The following IL31RA variants were observed in gnomAD, a reference collection of about 807,000 sequenced individuals.
IL31RA encodes the protein interleukin-31 receptor subunit alpha.
IL31RA carries 66 observed loss-of-function variants against 83.7 expected under a neutral mutation model. The observed-to-expected ratio is 0.79, with a 90% CI of 0.65 to 0.97. The LOEUF (loss-of-function observed/expected upper bound fraction) is 0.97. Among genes scored for constraint, IL31RA ranks in the 50% least tolerant of loss-of-function variants. The pLI, the probability that IL31RA is intolerant of heterozygous loss-of-function variation, is 0.00. For synonymous variants in IL31RA, 325 were observed against 329.0 expected, an observed-to-expected ratio of 0.99 and a Z score of 0.13; for missense variants, 798 against 919.4, an observed-to-expected ratio of 0.87 and a Z score of 1.71.
intron 8 of IL31RA, among the ~76,000 whole-genome samples, chr5:55,904,962 G>A (rs984042794): frequency 6.6e-6 from 1 of 151,166 alleles, no homozygotes; most frequent in African/African-American, 2.4e-5. Flanking sequence ...TTGGGAGACC[G>A]ACTGAGCTGG....
rs1461897530 is a variant in IL31RA at position 55,919,664 on chromosome 5, T to A, written c.*2544T>A. On this transcript the variant is annotated 3_prime_UTR_variant, in exon 15 of 15. Coordinates refer to ENST00000652347, the MANE Select transcript of IL31RA (RefSeq NM_139017.7). ...TCATTTTCCATGGTTTTATTACCTTTGAGGGGTGGGAAGATGGTGGCTCTG... is the reference window on the plus strand; with the variant it reads ...TCATTTTCCATGGTTTTATTACCTTAGAGGGGTGGGAAGATGGTGGCTCTG... Among the ~76,000 whole-genome samples, 1 of 152,208 alleles carries A rather than the reference T, an allele frequency of 6.6e-6. No homozygotes were observed. The highest frequency in any genetic ancestry group is 1.5e-5 in the Non-Finnish European group (1 of 68,040).
intron 7 of IL31RA, among the ~76,000 whole-genome samples, chr5:55,898,335 G>A (rs1166377305): frequency 1.3e-4 from 4 of 31,396 alleles, no homozygotes; most frequent in African/African-American, 2.6e-4. Flanking sequence ...CCGCCCCCCC[G>A]CACCTTCAAA....
intron 9 of IL31RA, 30 bp from the exon 10 acceptor site, chr5:55,907,329 C>T (rs1358187426): frequency 1.4e-6 from 2 of 1,447,150 alleles, no homozygotes; most frequent in Admixed American, 3.3e-5. Flanking sequence ...GTGCTCTGCA[C>T]TTACACTTTT....
intron 4 of IL31RA, among the ~76,000 whole-genome samples, chr5:55,875,805 A>C (rs1399214900): frequency 6.6e-6 from 1 of 152,152 alleles, no homozygotes; most frequent in Non-Finnish European, 1.5e-5. Context: ...AATATTCTGT[A>C]ATTGCCACTG....
chr5:55,898,628 TTAA>T (rs1283307912), intron 7 of IL31RA, among the ~76,000 whole-genome samples: 1 of 142,296 alleles, frequency 7.0e-6, no homozygotes, highest in African/African-American at 2.6e-5. Flanking sequence ...AAATAACATA[TTAA>T]TGTTATTTTA....
intron 5 of IL31RA, among the ~76,000 whole-genome samples, chr5:55,884,528 G>C (rs952706375): frequency 6.6e-6 from 1 of 152,072 alleles, no homozygotes; most frequent in South Asian, 2.1e-4. Context: ...TTGAACTCTT[G>C]GGCTCAAACG....
chr5:55,890,232 TGGAATCTCATGACCCCAGGG>T, intron 6 of IL31RA, 97 bp downstream of exon 6: 1 of 1,243,830 alleles, frequency 8.0e-7, no homozygotes, highest in Non-Finnish European at 1.2e-6. Context: ...TTGGGAATCA[TGGAATCTCATGACCCCAGGG>T]GCCCCCTGTA....
rs567288247 is a variant in IL31RA, at chr5:55,918,360, G to A, written c.*1240G>A. On this transcript the variant is annotated 3_prime_UTR_variant, in exon 15 of 15. Coordinates refer to ENST00000652347, the MANE Select transcript of IL31RA (RefSeq NM_139017.7). ...TACTAGGATTGCAGGCATGAACTTC[G>A]CAAGCCACCCACTCAGGTGTGCAAA... Among the ~76,000 whole-genome samples, 4 of 152,258 alleles carry A rather than the reference G, an allele frequency of 2.6e-5. No homozygotes were observed. Among genetic ancestry groups the A allele is most frequent in the East Asian group, 1.9e-4 (1 of 5,182 alleles).
At chr5:55,848,345 A>G (rs1744983588), upstream of IL31RA, among the ~76,000 whole-genome samples, 1 of 152,210 alleles carries the variant, frequency 6.6e-6, no homozygotes, top group Non-Finnish European at 1.5e-5. Context: ...TTTATTTTAT[A>G]CTTTGAATTA....
At chr5:55,847,242 TAAAAATA>T (rs1561530209), upstream of IL31RA, among the ~76,000 whole-genome samples, 1,455 of 115,040 alleles carry the variant, frequency 0.013, 16 homozygotes, top group African/African-American at 0.015. Context: ...AAAAAAAAAA[TAAAAATA>T]AATAAATAAA....
chr5:55,897,670 A>G (rs143471292), intron 7 of IL31RA, among the ~76,000 whole-genome samples: 1 of 80,426 alleles, frequency 1.2e-5, no homozygotes, highest in Admixed American at 1.5e-4. Context: ...GAATGCAGAG[A>G]AGAAGAAGAG....
chr5:55,909,931 C>T (rs989565081), intron 11 of IL31RA, among the ~76,000 whole-genome samples: 7 of 152,094 alleles, frequency 4.6e-5, no homozygotes, highest in African/African-American at 7.2e-5. Flanking sequence ...CTCGAACTCC[C>T]GACCTCGGGT....
intron 12 of IL31RA, among the ~76,000 whole-genome samples, chr5:55,911,505 C>T (rs1445901484): frequency 6.6e-6 from 1 of 151,640 alleles, no homozygotes; most frequent in Non-Finnish European, 1.5e-5. Context: ...TTTTTTTGAG[C>T]AAAAAGACAT....
At position 55,917,331 on chromosome 5, in the gene IL31RA, A is replaced by C. The variant is rs962446654; in HGVS notation, c.*211A>C. Reference sequence around the variant, plus strand: ...GGATGGTGATAAGCCCGAGTTTTGTAAAGGAACAGCAGTCTCTTTTCGTTT... The same window carrying C: ...GGATGGTGATAAGCCCGAGTTTTGTCAAGGAACAGCAGTCTCTTTTCGTTT... On this transcript the variant is annotated 3_prime_UTR_variant, in exon 15 of 15. Coordinates refer to ENST00000652347, the MANE Select transcript of IL31RA (RefSeq NM_139017.7). 3 of 1,439,964 alleles carry C rather than the reference A, an allele frequency of 2.1e-6. No individual in the cohort carries two copies. Among genetic ancestry groups the C allele is most frequent in the Non-Finnish European group, 2.7e-6 (3 of 1,100,566 alleles). 89.2% of individuals were successfully genotyped at this position (1,439,964 alleles called of 1,614,324 possible). A position where few individuals can be genotyped will look rare whatever the true frequency, so the allele number is the denominator to read the frequency against.
intron 11 of IL31RA, 82 bp from the exon 12 acceptor site, chr5:55,910,450 A>C (rs1364310903): frequency 6.0e-6 from 9 of 1,495,944 alleles, no homozygotes; most frequent in African/African-American, 1.4e-5. Flanking sequence ...CACAGGTTCC[A>C]ATGCTCTTAT....
At chr5:55,913,626 A>C in intron 13 of IL31RA, 56 bp downstream of exon 13, 1 of 1,103,270 alleles carries the variant, frequency 9.1e-7, no homozygotes, top group Non-Finnish European at 1.4e-6. Flanking sequence ...AAGGGGTTGA[A>C]GTCATCATAG....
rs1279515783 is a variant in IL31RA at position 55,867,241 on chromosome 5, GTGTT to G, written c.155-1546_155-1543del. Among the ~76,000 whole-genome samples, 456 of 117,384 alleles carry G rather than the reference GTGTT, an allele frequency of 3.9e-3. 7 individuals are homozygous for G. Among genetic ancestry groups the G allele is most frequent in the African/African-American group, 0.014 (372 of 26,528 alleles). 77.0% of individuals were successfully genotyped at this position (117,384 alleles called of 152,430 possible). A position where few individuals can be genotyped will look rare whatever the true frequency, so the allele number is the denominator to read the frequency against. ...TGTGTTTGTGTGTGTGTTTGTGTGT[GTGTT>G]TGTGTGTGCGTGTGTTTGTGTGCGT... On this transcript the variant is annotated intron_variant, in intron 2 of 14. Transcript: ENST00000652347.
rs193135328 is a variant in IL31RA, at chr5:55,892,640, C to T, written c.772+2505C>T. Among the ~76,000 whole-genome samples, 10 of 152,294 alleles carry T rather than the reference C, an allele frequency of 6.6e-5. No individual in the cohort carries two copies. In the East Asian group the frequency reaches 1.9e-3, roughly 29 times the overall value. On this transcript the variant is annotated intron_variant, in intron 6 of 14. Coordinates refer to ENST00000652347, the MANE Select transcript of IL31RA (RefSeq NM_139017.7). ...AGGCAAGCTGATGATTAAGTGCTCC[C>T]TTGGGTGCCATTGTGTTTTGCCTAG... is the stretch of plus-strand genomic sequence containing the variant.
rs749031912 is a variant in IL31RA at position 55,883,060 on chromosome 5, T to C, written c.471T>C (p.Pro157=). 6.2e-7 allele frequency: 1 copy of C among 1,614,058 alleles called. No individual in the cohort carries two copies. Among genetic ancestry groups the C allele is most frequent in the South Asian group, 1.1e-5 (1 of 91,076 alleles). Residue 157 remains proline (P), a synonymous_variant, in exon 5 of 15, where the codon CCT becomes CCC. Transcript: ENST00000652347. ...TATTTTCAGCGAAAACTGAACCACC[T>C]AAGATTTTCCGTGTGAAACCAGTTT... is the stretch of plus-strand genomic sequence containing the variant. ...RLENIAKTEP[P]KIFRVKPVLG... is the part of the protein sequence containing the mutation.
Sources: allele counts gnomAD v4.1 joint callset (sites outside exome capture counted in the v4.1 genomes callset), GRCh38; gene constraint gnomAD v4.1.1; transcripts MANE v1.5; gene names NCBI Gene and HGNC (gene_info 2026-07-23, HGNC 2026-07-21).